ADAM10: variants seen among roughly 807,000 people sequenced by gnomAD.
ADAM10 encodes the protein ADAM metallopeptidase domain 10, also known as disintegrin and metalloproteinase domain-containing protein 10.
In ADAM10, 17 loss-of-function variants were observed where a neutral mutation model predicts 90.1. The ratio of observed to expected loss-of-function variants is 0.19; its 90% CI spans 0.13 to 0.28. The LOEUF (loss-of-function observed/expected upper bound fraction) is 0.28. ADAM10 is among the 10% of genes least tolerant of loss of function. The probability of loss-of-function intolerance (pLI) is 1.00; values close to 1 mark genes in which losing one functional copy is unlikely to be tolerated. For missense variants in ADAM10, 610 were observed against 914.3 expected (o/e 0.67, Z 4.29); for synonymous variants, 310 against 298.6 (o/e 1.04, Z -0.40).
chr15:58,675,327 TTAAG>T (rs1167616228), intron 4 of ADAM10, among the ~76,000 whole-genome samples: 2 of 152,232 alleles, frequency 1.3e-5, no homozygotes, highest in Non-Finnish European at 2.9e-5. Flanking sequence ...AATTTGGAGA[TTAAG>T]TATTTCTCTA....
At chr15:58,721,408 T>C (rs546938702) in intron 1 of ADAM10, among the ~76,000 whole-genome samples, 1 of 152,340 alleles carries the variant, frequency 6.6e-6, no homozygotes, top group South Asian at 2.1e-4. Context: ...TAAATATCAG[T>C]ATTTGTGTAA....
At chr15:58,610,052 C>A in intron 14 of ADAM10, 1 of 510,344 alleles carries the variant, frequency 2.0e-6, no homozygotes, top group South Asian at 2.4e-5. Flanking sequence ...AGGAGATGAA[C>A]TAAGGAGCAC....
intron 5 of ADAM10, among the ~76,000 whole-genome samples, chr15:58,652,334 G>T (rs1192261562): frequency 6.6e-6 from 1 of 152,144 alleles, no homozygotes; most frequent in African/African-American, 2.4e-5. Context: ...TGAAAGTGGG[G>T]AGTTTCTTCA....
At chr15:58,680,169 C>T (rs1398882310) in intron 3 of ADAM10, among the ~76,000 whole-genome samples, 1 of 152,142 alleles carries the variant, frequency 6.6e-6, no homozygotes, top group African/African-American at 2.4e-5. Context: ...GTCACCCGGG[C>T]TGGAGTGCAG....
chr15:58,618,557 A>C (rs1388606589), intron 11 of ADAM10, among the ~76,000 whole-genome samples: 2 of 152,220 alleles, frequency 1.3e-5, no homozygotes, highest in Non-Finnish European at 2.9e-5. Flanking sequence ...AAAAGGAAAC[A>C]ATCAACAGAG....
At chr15:58,693,016 T>A in intron 2 of ADAM10, 1 of 780,496 alleles carries the variant, frequency 1.3e-6, no homozygotes. Context: ...CTTGGAAGGG[T>A]CTGTCAGGCT....
intron 5 of ADAM10, among the ~76,000 whole-genome samples, chr15:58,664,654 AAAGG>A (rs1210696006): frequency 6.6e-6 from 1 of 152,138 alleles, no homozygotes; most frequent in Non-Finnish European, 1.5e-5. Context: ...GACTAAAGAA[AAAGG>A]AAGGGAAAAA....
chr15:58,661,371 T>A (rs1178158692), intron 5 of ADAM10, among the ~76,000 whole-genome samples: 1 of 152,184 alleles, frequency 6.6e-6, no homozygotes, highest in African/African-American at 2.4e-5. Flanking sequence ...AATTTTTATT[T>A]AAAAAGATCT....
intron 14 of ADAM10, among the ~76,000 whole-genome samples, chr15:58,608,829 CAGAGA>C (rs770968228): frequency 5.9e-5 from 9 of 151,892 alleles, no homozygotes; most frequent in Non-Finnish European, 8.8e-5. Flanking sequence ...TTAGAGATAA[CAGAGA>C]AAAGTAAAAA....
intron 4 of ADAM10, among the ~76,000 whole-genome samples, chr15:58,668,746 G>C (rs537133605): frequency 2.0e-5 from 3 of 151,888 alleles, no homozygotes; most frequent in African/African-American, 7.2e-5. Context: ...AATCTTCAGG[G>C]GAAATTTTAA....
intron 14 of ADAM10, among the ~76,000 whole-genome samples, chr15:58,607,293 A>C (rs1197588936): frequency 6.6e-6 from 1 of 152,272 alleles, no homozygotes; most frequent in African/African-American, 2.4e-5. Flanking sequence ...ATTCTGGTAT[A>C]CAATCAGGAT....
At chr15:58,692,278 C>T (rs1456853735) in intron 2 of ADAM10, 1 of 606,574 alleles carries the variant, frequency 1.6e-6, no homozygotes. Flanking sequence ...TTCCCAGGCA[C>T]TGGTGAGGCT....
At chr15:58,661,429 T>C (rs919422382) in intron 5 of ADAM10, among the ~76,000 whole-genome samples, 10 of 152,192 alleles carry the variant, frequency 6.6e-5, no homozygotes. Flanking sequence ...TATAGAATCC[T>C]AGTTTGGCAG....
intron 2 of ADAM10, among the ~76,000 whole-genome samples, chr15:58,715,296 C>T (rs1898619940): frequency 6.6e-6 from 1 of 151,868 alleles, no homozygotes; most frequent in African/African-American, 2.4e-5. Flanking sequence ...GTGGCGCACA[C>T]CTGTAGTCCC....
chr15:58,691,676 CT>C (rs71116587), intron 2 of ADAM10: 25,007 of 228,240 alleles, frequency 0.11, 17 homozygotes, highest in South Asian at 0.13. Context: ...ACTTCTTCTT[CT>C]TTTTTTTTTT....
At chr15:58,614,903 A>G (rs1406373557) in intron 11 of ADAM10, among the ~76,000 whole-genome samples, 1 of 152,240 alleles carries the variant, frequency 6.6e-6, no homozygotes, top group Non-Finnish European at 1.5e-5. Flanking sequence ...GTCAAATGTT[A>G]CCACTACAGA....
intron 2 of ADAM10, among the ~76,000 whole-genome samples, chr15:58,697,112 T>C (rs1299973020): frequency 2.0e-5 from 3 of 152,144 alleles, no homozygotes; most frequent in African/African-American, 7.2e-5. Context: ...TAAGTTAGAC[T>C]GTAAGACTCC....
In ADAM10 at chr15:58,589,310, G is replaced by GGTTA. The variant is rs1158622097; in HGVS notation, c.*8233_*8236dup. On this transcript the variant is annotated 3_prime_UTR_variant, in exon 16 of 16. Coordinates refer to ENST00000260408, the MANE Select transcript of ADAM10 (RefSeq NM_001110.4). ...ACATGACGACAGTCAACTGCCCCAT[G>GGTTA]GTTACATCATTTCTAAAAGCTTGTG... is the stretch of plus-strand genomic sequence containing the variant. 1 of 152,186 alleles carries GGTTA rather than the reference G, an allele frequency of 6.6e-6. No individual in the cohort carries two copies. The highest frequency in any genetic ancestry group is 1.5e-5 in the Non-Finnish European group (1 of 68,048). The allele number at this position is 152,186 out of a possible 1,614,324, so 9.4% of individuals were successfully genotyped here. A position where few individuals can be genotyped will look rare whatever the true frequency, so the allele number is the denominator to read the frequency against.
At chr15:58,691,906 C>T (rs1251265790) in intron 2 of ADAM10, among the ~76,000 whole-genome samples, 2 of 151,936 alleles carry the variant, frequency 1.3e-5, no homozygotes, top group Admixed American at 1.3e-4. Flanking sequence ...GAACTCCTGA[C>T]CTCAGGTGAT....
Sources: gnomAD v4.1 joint callset for allele counts (sites outside exome capture counted in the v4.1 genomes callset) on GRCh38, gnomAD v4.1.1 for gene constraint, MANE v1.5 for transcripts, NCBI Gene and HGNC (gene_info 2026-07-23, HGNC 2026-07-21) for gene names.